Variants in RAC1 observed in about 807,000 individuals in gnomAD.
RAC1 encodes Rac family small GTPase 1, also known as ras-related C3 botulinum toxin substrate 1.
Under a neutral mutation model 25.2 loss-of-function variants are expected in RAC1, and 2 were observed. The observed-to-expected ratio is 0.08, with a 90% CI of 0.03 to 0.25. The LOEUF is 0.25. Among genes scored for constraint, RAC1 ranks in the 10% least tolerant of loss-of-function variants. The pLI is 1.00. For synonymous variants in RAC1, 88 were observed against 94.0 expected, an observed-to-expected ratio of 0.94 and a Z score of 0.37; for missense variants, 50 against 235.7, an observed-to-expected ratio of 0.21 and a Z score of 5.16.
intron 2 of RAC1, among the ~76,000 whole-genome samples, chr7:6,390,947 G>C (rs924953663): frequency 1.3e-5 from 2 of 152,152 alleles, no homozygotes; most frequent in African/African-American, 4.8e-5. Context: ...GCCCAGGCCG[G>C]AGTGCAGTGG....
At chr7:6,383,862 G>T (rs929427916) in intron 1 of RAC1, among the ~76,000 whole-genome samples, 4 of 128,316 alleles carry the variant, frequency 3.1e-5, no homozygotes, top group Non-Finnish European at 6.2e-5. Context: ...GAGTGCAATG[G>T]CGCAATCTCG....
At chr7:6,375,200 A>G (rs572847588) in intron 1 of RAC1, among the ~76,000 whole-genome samples, 1 of 152,010 alleles carries the variant, frequency 6.6e-6, no homozygotes, top group African/African-American at 2.4e-5. Flanking sequence ...CAAGTCGATC[A>G]TATTTGATGC....
intron 1 of RAC1, among the ~76,000 whole-genome samples, chr7:6,382,038 G>T (rs1310159050): frequency 6.6e-6 from 1 of 152,008 alleles, no homozygotes; most frequent in Non-Finnish European, 1.5e-5. Context: ...CTGTTGCTCA[G>T]GCTGGAGTGC....
intron 4 of RAC1, among the ~76,000 whole-genome samples, chr7:6,400,789 C>T (rs34830473): frequency 0.011 from 1,664 of 152,222 alleles, 31 homozygotes; most frequent in African/African-American, 0.038. Flanking sequence ...GATTCTCATG[C>T]CTCAGCCTCC....
chr7:6,379,268 ATTTTTTTTTT>A (rs768891793), intron 1 of RAC1, among the ~76,000 whole-genome samples: 1 of 105,784 alleles, frequency 9.5e-6, no homozygotes, highest in Non-Finnish European at 1.8e-5. Context: ...TGCCGAGGTA[ATTTTTTTTTT>A]TTTTTTTTTT....
intron 1 of RAC1, among the ~76,000 whole-genome samples, chr7:6,384,321 G>T (rs1227337094): frequency 6.6e-6 from 1 of 152,166 alleles, no homozygotes; most frequent in Non-Finnish European, 1.5e-5. Context: ...CCTTGACTGA[G>T]TCCCTGGCGT....
In RAC1 at chr7:6,402,256, G is replaced by A. The variant is rs189735103; in HGVS notation, c.449-60G>A. 2.0e-4 allele frequency: 304 copies of A among 1,541,170 alleles called. No homozygotes were observed. The African/African-American group carries it at 3.8e-3, about 19-fold the overall frequency. ...GCCCCAGGAGCTGCCTCCCGCTGGT[G>A]GTGTGATCAGAAGAGAGTGGGGTCG... On this transcript the variant is annotated intron_variant, in intron 5 of 5. Coordinates refer to ENST00000348035, the MANE Select transcript of RAC1 (RefSeq NM_006908.5).
intron 2 of RAC1, 26 bp from the exon 3 acceptor site, chr7:6,391,898 C>A (rs376284529): frequency 2.5e-6 from 4 of 1,613,834 alleles, no homozygotes; most frequent in Non-Finnish European, 3.4e-6. Flanking sequence ...ACACCTGTGA[C>A]TAACCATTTT....
chr7:6,384,944 T>C (rs1782881298), intron 1 of RAC1, among the ~76,000 whole-genome samples: 1 of 151,988 alleles, frequency 6.6e-6, no homozygotes, highest in Non-Finnish European at 1.5e-5. Context: ...TAGCTGAGAC[T>C]ACTGCTGCAC....
intron 2 of RAC1, among the ~76,000 whole-genome samples, chr7:6,389,322 C>T (rs186774868): frequency 6.9e-4 from 105 of 152,060 alleles, no homozygotes; most frequent in African/African-American, 2.4e-3. Context: ...CTGCCATTAA[C>T]GTGGGTTGAA....
In RAC1 at chr7:6,403,070, G is replaced by C; in HGVS notation, c.*624G>C. On this transcript the variant is annotated 3_prime_UTR_variant, in exon 6 of 6. Transcript: ENST00000348035. ...GAGTTTTCTGACCAGCTTTTGCGGA[G>C]ATTTTGAACAGAACTGCTATTTCCT... 4.9e-6 allele frequency: 1 copy of C among 202,100 alleles called. No homozygotes were observed. Among genetic ancestry groups the C allele is most frequent in the Middle Eastern group, 1.7e-3 (1 of 600 alleles). The allele number at this position is 202,100 out of a possible 1,614,324, so 12.5% of individuals were successfully genotyped here. A position where few individuals can be genotyped will look rare whatever the true frequency, so the allele number is the denominator to read the frequency against.
intron 2 of RAC1, among the ~76,000 whole-genome samples, chr7:6,390,157 G>A (rs1397359275): frequency 8.0e-6 from 1 of 125,428 alleles, no homozygotes; most frequent in Admixed American, 9.6e-5. Flanking sequence ...CGGACTTGAA[G>A]TACTGGTCCT....
At chr7:6,398,342 G>A (rs990984471) in intron 3 of RAC1, among the ~76,000 whole-genome samples, 1 of 152,200 alleles carries the variant, frequency 6.6e-6, no homozygotes, top group African/African-American at 2.4e-5. Context: ...AAGGGACAGT[G>A]CAGAACATCT....
At position 6,402,473 on chromosome 7, in the gene RAC1, T is replaced by C. The variant is rs775934071; in HGVS notation, c.*27T>C. The C allele has an allele frequency of 2.4e-5, 31 of 1,291,344 alleles. No homozygotes were observed. The East Asian group carries it at 1.1e-3, about 44-fold the overall frequency. The allele number at this position is 1,291,344 out of a possible 1,614,324, so 80.0% of individuals were successfully genotyped here. On this transcript the variant is annotated 3_prime_UTR_variant, in exon 6 of 6. Coordinates refer to ENST00000348035, the MANE Select transcript of RAC1 (RefSeq NM_006908.5). ...TGTCTCAGCCCCTCGTTCTTGGTCCTGTCCCTTGGAACCTTTGTACGCTTT... is the reference window on the plus strand; with the variant it reads ...TGTCTCAGCCCCTCGTTCTTGGTCCCGTCCCTTGGAACCTTTGTACGCTTT...
Position 6,388,508 on chromosome 7 carries a change from C to A in RAC1, c.107+1225C>A, listed in dbSNP as rs530726187. ...TACAGGCATACACCACCACACCTGG[C>A]TAATTTTTGTTTCTTTAGTAGAGAC... On this transcript the variant is annotated intron_variant, in intron 2 of 5. Coordinates refer to ENST00000348035, the MANE Select transcript of RAC1 (RefSeq NM_006908.5). Among the ~76,000 whole-genome samples the A allele has an allele frequency of 1.1e-3, 169 of 152,090 alleles. 1 individual carries two copies. The highest frequency in any genetic ancestry group is 3.8e-3 in the African/African-American group (159 of 41,498).
In RAC1 at chr7:6,398,719, G is replaced by A. The variant is rs560647572; in HGVS notation, c.226-1407G>A. 47 of 1,613,120 alleles carry A rather than the reference G, an allele frequency of 2.9e-5. No individual in the cohort carries two copies. Among genetic ancestry groups the A allele is most frequent in the East Asian group, 1.6e-4 (7 of 44,862 alleles). The stretch of plus-strand genomic sequence containing the variant: ...CCGGGGCAAAGACAAGCCGATTGCC[G>A]TATGTAAAACTTTCAGTCCACTTCA... On this transcript the variant is annotated intron_variant, in intron 3 of 5. Transcript: ENST00000348035.
At chr7:6,377,212 T>A (rs76831242) in intron 1 of RAC1, among the ~76,000 whole-genome samples, 44 of 151,854 alleles carry the variant, frequency 2.9e-4, no homozygotes, top group African/African-American at 9.7e-4. Context: ...TTTTTTTTTT[T>A]AATTAGTTAT....
At position 6,383,598 on chromosome 7, in the gene RAC1, T is replaced by A. The variant is rs35582150; in HGVS notation, c.36-3614T>A. 1.7e-3 allele frequency among the ~76,000 whole-genome samples: 260 copies of A among 152,146 alleles called. 1 individual carries two copies. Among genetic ancestry groups the A allele is most frequent in the African/African-American group, 5.9e-3 (245 of 41,524 alleles). ...AAGATGTCATTCAGGAAAGGAAGTT[T>A]AGAGGATTTTAGACACAGCTGGTTG... On this transcript the variant is annotated intron_variant, in intron 1 of 5. Transcript: ENST00000348035.
intron 2 of RAC1, among the ~76,000 whole-genome samples, chr7:6,391,000 G>C (rs995588899): frequency 2.0e-5 from 3 of 152,074 alleles, no homozygotes; most frequent in Non-Finnish European, 2.9e-5. Flanking sequence ...GGGTTCAAGC[G>C]ATTCTCTTGC....
Sources: allele counts gnomAD v4.1 joint callset (sites outside exome capture counted in the v4.1 genomes callset), GRCh38; gene constraint gnomAD v4.1.1; transcripts MANE v1.5; gene names NCBI Gene and HGNC (gene_info 2026-07-23, HGNC 2026-07-21).